The following PALS2 variants were observed in gnomAD, a reference collection of about 807,000 sequenced individuals.
PALS2 encodes protein PALS2.
PALS2 carries 27 observed loss-of-function variants against 61.6 expected under a neutral mutation model. The ratio of observed to expected loss-of-function variants is 0.44; its 90% CI spans 0.32 to 0.60. The LOEUF is 0.60. Among genes scored for constraint, PALS2 ranks in the 20% least tolerant of loss-of-function variants. The probability of loss-of-function intolerance (pLI) is 0.05; values close to 1 mark genes in which losing one functional copy is unlikely to be tolerated. For synonymous variants in PALS2, 236 were observed against 218.6 expected (o/e 1.08, Z -0.70); for missense variants, 554 against 639.4 (o/e 0.87, Z 1.44).
chr7:24,681,917 A>G (rs1371593005), intron 11 of PALS2, among the ~76,000 whole-genome samples: 1 of 152,188 alleles, frequency 6.6e-6, no homozygotes, highest in Non-Finnish European at 1.5e-5. Context: ...TGAACGTATG[A>G]AACATAGTGT....
intron 1 of PALS2, among the ~76,000 whole-genome samples, chr7:24,600,755 G>A (rs1224993324): frequency 6.6e-6 from 1 of 152,146 alleles, no homozygotes; most frequent in South Asian, 2.1e-4. Flanking sequence ...TCATGTCATA[G>A]TATAGATAAA....
At position 24,680,429 on chromosome 7, in the gene PALS2, A is replaced by G. The variant is rs1378867904; in HGVS notation, c.1355A>G (p.Tyr452Cys). 4 of 1,613,470 alleles carry G rather than the reference A, an allele frequency of 2.5e-6. No homozygotes were observed. Among genetic ancestry groups the G allele is most frequent in the South Asian group, 1.1e-5 (1 of 91,066 alleles). The change falls in exon 11 of 12, where the codon TAT (tyrosine) becomes TGT (cysteine). Residue 452 changes from tyrosine to cysteine, a missense_variant. Tyr to Cys is a radical substitution (Grantham distance 194, BLOSUM62 -2). Coordinates refer to ENST00000222644, the MANE Select transcript of PALS2 (RefSeq NM_001303037.2). ...TTGAGGACATCAGAGTTTATGCCCT[A>G]TGTGGTATTTATTGCGGCTCCGGAG... ...KVLRTSEFMP[Y>C]VVFIAAPELE...
intron 9 of PALS2, among the ~76,000 whole-genome samples, chr7:24,678,284 A>G (rs985938326): frequency 2.0e-5 from 3 of 152,232 alleles, no homozygotes; most frequent in African/African-American, 7.2e-5. Flanking sequence ...GCTGTAAAAT[A>G]TCAGACAAAA....
At chr7:24,660,852 A>G (rs193172260) in intron 5 of PALS2, among the ~76,000 whole-genome samples, 32 of 152,362 alleles carry the variant, frequency 2.1e-4, no homozygotes, top group Admixed American at 1.9e-3. Context: ...GAAAATGCCT[A>G]TTAACCCACA....
At chr7:24,665,527 TAATAG>T in intron 6 of PALS2, 56 bp from the exon 7 acceptor site, 2 of 1,476,658 alleles carry the variant, frequency 1.4e-6, no homozygotes, top group Admixed American at 3.4e-5. Flanking sequence ...TTGTCTTACT[TAATAG>T]AATATGGTCT....
chr7:24,673,167 T>G (rs973515519), intron 9 of PALS2, among the ~76,000 whole-genome samples: 8 of 152,198 alleles, frequency 5.3e-5, no homozygotes, highest in Admixed American at 4.6e-4. Context: ...ATGATTTTTG[T>G]TTTTTATTGT....
intron 1 of PALS2, among the ~76,000 whole-genome samples, chr7:24,601,498 C>T (rs1009540405): frequency 2.0e-5 from 3 of 152,140 alleles, no homozygotes; most frequent in Non-Finnish European, 2.9e-5. Flanking sequence ...CTGGTGTACA[C>T]GTGTCACCGA....
intron 1 of PALS2, among the ~76,000 whole-genome samples, chr7:24,600,729 T>G (rs187749285): frequency 1.4e-4 from 21 of 152,292 alleles, no homozygotes; most frequent in African/African-American, 4.8e-4. Context: ...AGTTGAATGT[T>G]TTACTGAAAT....
chr7:24,660,450 A>C (rs1332767446), intron 5 of PALS2, among the ~76,000 whole-genome samples: 1 of 152,146 alleles, frequency 6.6e-6, no homozygotes, highest in Non-Finnish European at 1.5e-5. Context: ...GAAAGGTTGC[A>C]TAGTACACAT....
chr7:24,687,682 T>G lies in PALS2; in HGVS notation c.*68T>G. Reference sequence around the variant, plus strand: ...TGACTGCAACAAATAAACCTTCTACTGAGAAAATACATCACAGATAGAAGA... The same window carrying G: ...TGACTGCAACAAATAAACCTTCTACGGAGAAAATACATCACAGATAGAAGA... On this transcript the variant is annotated 3_prime_UTR_variant, in exon 12 of 12. Transcript: ENST00000222644. This position sits in a 1 kb window ranked among gnomAD's most constrained non-coding sequence, Gnocchi z 4.5. 4.9e-6 allele frequency: 7 copies of G among 1,429,502 alleles called. No individual in the cohort carries two copies. The South Asian group carries it at 9.8e-5, about 20-fold the overall frequency. The allele number at this position is 1,429,502 out of a possible 1,614,324, so 88.6% of individuals were successfully genotyped here. A position where few individuals can be genotyped will look rare whatever the true frequency, so the allele number is the denominator to read the frequency against.
intron 2 of PALS2, among the ~76,000 whole-genome samples, chr7:24,634,341 C>G (rs1650696397): frequency 6.6e-6 from 1 of 152,188 alleles, no homozygotes; most frequent in Admixed American, 6.5e-5. Context: ...TGCCATTCTC[C>G]TGCTTCAGCC....
chr7:24,615,025 A>G (rs1467037944), intron 1 of PALS2, among the ~76,000 whole-genome samples: 1 of 152,008 alleles, frequency 6.6e-6, no homozygotes, highest in African/African-American at 2.4e-5. Context: ...TGGAATTTCA[A>G]CCACATGATC....
At chr7:24,654,798 A>G (rs986413283) in intron 5 of PALS2, among the ~76,000 whole-genome samples, 3 of 152,204 alleles carry the variant, frequency 2.0e-5, no homozygotes, top group African/African-American at 7.2e-5. Flanking sequence ...ATATGTAGGA[A>G]TTAAGATATT....
intron 1 of PALS2, among the ~76,000 whole-genome samples, chr7:24,594,319 A>G (rs967566266): frequency 2.6e-5 from 4 of 152,108 alleles, no homozygotes; most frequent in Non-Finnish European, 5.9e-5. Flanking sequence ...CATATCATCA[A>G]TAATGCTGTT....
chr7:24,630,859 C>T (rs532725486), intron 2 of PALS2, among the ~76,000 whole-genome samples: 2 of 152,276 alleles, frequency 1.3e-5, no homozygotes, highest in African/African-American at 4.8e-5. Flanking sequence ...ATTTTAATCC[C>T]ACTGTTGGGA....
In PALS2 at chr7:24,680,414, CAG is replaced by C; in HGVS notation, c.1343_1344del (p.Glu448ValfsTer37). ...CAGGCACTGAAAGTATTGAGGACAT[CAG>C]AGTTTATGCCCTATGTGGTATTTAT... On this transcript the variant is annotated frameshift_variant, in exon 11 of 12. Transcript: ENST00000222644. LOFTEE classifies it high-confidence loss of function. 1.2e-6 allele frequency: 2 copies of C among 1,612,852 alleles called. No homozygotes were observed. Among genetic ancestry groups the C allele is most frequent in the Non-Finnish European group, 1.7e-6 (2 of 1,178,926 alleles).
rs556682609 is a variant in PALS2, at chr7:24,636,312, C to T, written c.118-5404C>T. Among the ~76,000 whole-genome samples the T allele has an allele frequency of 1.5e-4, 23 of 151,868 alleles. 1 individual carries two copies. The South Asian group carries it at 4.4e-3, about 29-fold the overall frequency. On this transcript the variant is annotated intron_variant, in intron 2 of 11. Coordinates refer to ENST00000222644, the MANE Select transcript of PALS2 (RefSeq NM_001303037.2). Reference sequence around the variant, plus strand: ...CACTAGAAAAAATATGTCAAAGTGCCTGTCTTCTCCCATATTCTCATTAGC... The same window carrying T: ...CACTAGAAAAAATATGTCAAAGTGCTTGTCTTCTCCCATATTCTCATTAGC...
chr7:24,683,240 C>G (rs985826990), intron 11 of PALS2, among the ~76,000 whole-genome samples: 2 of 152,132 alleles, frequency 1.3e-5, no homozygotes, highest in African/African-American at 2.4e-5. Flanking sequence ...TTTTCCTCAT[C>G]AAGTAGTTGA....
Position 24,678,000 on chromosome 7 carries a change from C to T in PALS2, c.1115-1131C>T, listed in dbSNP as rs1250531041. 3.3e-5 allele frequency among the ~76,000 whole-genome samples: 5 copies of T among 152,160 alleles called. No homozygotes were observed. The East Asian group carries it at 9.6e-4, about 29-fold the overall frequency. On this transcript the variant is annotated intron_variant, in intron 9 of 11. Coordinates refer to ENST00000222644, the MANE Select transcript of PALS2 (RefSeq NM_001303037.2). ...CACTGTCATCTTTTTATTCGGATTA[C>T]TTTCTTAGTTTAGTTTGGTGTAGTT...
Sources: gnomAD v4.1 joint callset for allele counts (sites outside exome capture counted in the v4.1 genomes callset) on GRCh38, gnomAD v4.1.1 for gene constraint, Gnocchi (gnomAD v3.1) non-coding constraint, MANE v1.5 for transcripts, NCBI Gene and HGNC (gene_info 2026-07-23, HGNC 2026-07-21) for gene names.